The following LRRTM4 variants were observed in gnomAD, a reference collection of about 807,000 sequenced individuals.
The protein encoded by LRRTM4 is leucine-rich repeat transmembrane neuronal protein 4.
LRRTM4 carries 25 observed loss-of-function variants against 47.6 expected under a neutral mutation model. The ratio of observed to expected loss-of-function variants is 0.53; its 90% CI spans 0.38 to 0.73. The LOEUF is 0.73. LRRTM4 is among the 30% of genes least tolerant of loss of function. The pLI is 0.00. For synonymous variants in LRRTM4, 311 were observed against 269.5 expected (o/e 1.15, Z -1.51); for missense variants, 638 against 713.4 (o/e 0.89, Z 1.20).
At chr2:76,834,090 G>T in intron 3 of LRRTM4, among the ~76,000 whole-genome samples, 1 of 151,260 alleles carries the variant, frequency 6.6e-6, no homozygotes, top group African/African-American at 2.4e-5. Context: ...GCCCTGGCTG[G>T]AGTGCAGTGG....
chr2:76,884,625 G>C (rs955477824), intron 3 of LRRTM4, among the ~76,000 whole-genome samples: 7 of 152,088 alleles, frequency 4.6e-5, no homozygotes, highest in Non-Finnish European at 7.4e-5. Flanking sequence ...ATAACCTTAT[G>C]TGGTTTTGTT....
At chr2:76,895,448 T>C (rs1243150137) in intron 3 of LRRTM4, among the ~76,000 whole-genome samples, 1 of 152,110 alleles carries the variant, frequency 6.6e-6, no homozygotes, top group East Asian at 1.9e-4. Context: ...GGTAGGCTTA[T>C]ATGATACATC....
At chr2:77,162,066 C>G (rs1339983434) in intron 3 of LRRTM4, among the ~76,000 whole-genome samples, 1 of 152,120 alleles carries the variant, frequency 6.6e-6, no homozygotes, top group Non-Finnish European at 1.5e-5. Context: ...AATTCCCTTT[C>G]CTAGACAAGG....
chr2:77,499,282 T>C (rs893937918), intron 3 of LRRTM4, among the ~76,000 whole-genome samples: 1 of 151,926 alleles, frequency 6.6e-6, no homozygotes, highest in South Asian at 2.1e-4. Flanking sequence ...AAACCTTTAA[T>C]AGATGCTTTC....
intron 3 of LRRTM4, among the ~76,000 whole-genome samples, chr2:76,891,595 A>G (rs1235749549): frequency 2.6e-5 from 4 of 151,804 alleles, no homozygotes; most frequent in African/African-American, 9.7e-5. Flanking sequence ...TTAGCATTAT[A>G]AAAGTAACAT....
intron 3 of LRRTM4, among the ~76,000 whole-genome samples, chr2:77,109,188 G>A (rs1370616897): frequency 3.9e-5 from 6 of 152,042 alleles, no homozygotes; most frequent in Non-Finnish European, 5.9e-5. Flanking sequence ...ATAGCCAAAG[G>A]ACTTCAAAAT....
intron 3 of LRRTM4, among the ~76,000 whole-genome samples, chr2:77,502,639 A>G (rs1291782521): frequency 2.0e-5 from 3 of 151,628 alleles, no homozygotes; most frequent in Non-Finnish European, 4.4e-5. Context: ...CTGGAATTAT[A>G]AAGTCCAACA....
intron 3 of LRRTM4, among the ~76,000 whole-genome samples, chr2:76,931,730 TC>T (rs2103835599): frequency 1.3e-5 from 2 of 152,214 alleles, no homozygotes; most frequent in South Asian, 4.1e-4. Flanking sequence ...CATTTGGCCC[TC>T]AGTTCCAACG....
intron 3 of LRRTM4, among the ~76,000 whole-genome samples, chr2:76,839,223 A>T (rs1671604111): frequency 6.6e-6 from 1 of 152,142 alleles, no homozygotes; most frequent in Non-Finnish European, 1.5e-5. Flanking sequence ...GGAGTCAATG[A>T]GGTAGAGAGA....
chr2:77,427,930 C>T (rs979222885), intron 3 of LRRTM4, among the ~76,000 whole-genome samples: 3 of 152,178 alleles, frequency 2.0e-5, no homozygotes, highest in African/African-American at 7.2e-5. Flanking sequence ...ATCCAAATCT[C>T]ATCTTGAATT....
At chr2:76,778,852 T>C (rs1307155649) in intron 3 of LRRTM4, among the ~76,000 whole-genome samples, 1 of 151,642 alleles carries the variant, frequency 6.6e-6, no homozygotes, top group Admixed American at 6.6e-5. Flanking sequence ...ATTGTGATGT[T>C]AGGGTGTCAA....
chr2:77,023,277 T>A (rs767496177), intron 3 of LRRTM4, among the ~76,000 whole-genome samples: 7 of 152,250 alleles, frequency 4.6e-5, no homozygotes, highest in Admixed American at 2.6e-4. Context: ...CATGAAACCA[T>A]TTTTTCCTCC....
rs549394053 is a variant in LRRTM4, at chr2:76,957,734, A to G, written c.1552-208818T>C. Among the ~76,000 whole-genome samples the G allele has an allele frequency of 5.9e-5, 9 of 151,798 alleles. No homozygotes were observed. The South Asian group carries it at 1.4e-3, about 24-fold the overall frequency. On this transcript the variant is annotated intron_variant, in intron 3 of 3. Coordinates refer to ENST00000409884, the MANE Select transcript of LRRTM4 (RefSeq NM_001134745.3). ...TTGCTATAAATTTGATGCACTTTCT[A>G]TTAACAGGGTGTAAAAGCTTGAATA...
intron 3 of LRRTM4, among the ~76,000 whole-genome samples, chr2:77,239,911 T>A (rs905047639): frequency 5.3e-5 from 8 of 151,888 alleles, no homozygotes. Flanking sequence ...TTATTCACCT[T>A]ATTAAATCAT....
intron 3 of LRRTM4, among the ~76,000 whole-genome samples, chr2:76,799,212 G>A (rs1342489435): frequency 4.0e-5 from 5 of 125,738 alleles, no homozygotes; most frequent in African/African-American, 1.4e-4. Flanking sequence ...ATAAAATACT[G>A]GCAAAACGAA....
At chr2:76,979,846 G>T (rs1428023421) in intron 3 of LRRTM4, among the ~76,000 whole-genome samples, 1 of 151,818 alleles carries the variant, frequency 6.6e-6, no homozygotes, top group Non-Finnish European at 1.5e-5. Flanking sequence ...ATTCCTATCT[G>T]GTTTCCTGCC....
intron 3 of LRRTM4, among the ~76,000 whole-genome samples, chr2:77,327,058 CT>C (rs1670802429): frequency 6.6e-6 from 1 of 152,106 alleles, no homozygotes; most frequent in Non-Finnish European, 1.5e-5. Flanking sequence ...GTTTTCTCTT[CT>C]ATGATGGATA....
rs1679365347 is a variant in LRRTM4, at chr2:77,519,101, G to A, written c.768C>T (p.His256=). ...QGLTWTWSSL[H]NLDLSGNDIQ... ...TGTCATTCCCTGATAAATCCAAGTTGTGTAAGGAACTCCAAGTCCATGTCA... is the reference window on the plus strand; with the variant it reads ...TGTCATTCCCTGATAAATCCAAGTTATGTAAGGAACTCCAAGTCCATGTCA... Residue 256 remains histidine, a synonymous_variant, in exon 3 of 4, where the codon CAC becomes CAT. Coordinates refer to ENST00000409884, the MANE Select transcript of LRRTM4 (RefSeq NM_001134745.3). The surrounding 1 kb of genome is among the most constrained non-coding windows in gnomAD (Gnocchi z 4.6). 6.2e-7 allele frequency: 1 copy of A among 1,612,962 alleles called. No homozygotes were observed.
intron 3 of LRRTM4, among the ~76,000 whole-genome samples, chr2:77,387,751 T>C (rs562499187): frequency 2.6e-5 from 4 of 152,092 alleles, no homozygotes; most frequent in Non-Finnish European, 4.4e-5. Context: ...AAGGCAATCA[T>C]TCTACCTGAT....
Sources: gnomAD v4.1 joint callset for allele counts (sites outside exome capture counted in the v4.1 genomes callset) on GRCh38, gnomAD v4.1.1 for gene constraint, Gnocchi (gnomAD v3.1) non-coding constraint, MANE v1.5 for transcripts, NCBI Gene and HGNC (gene_info 2026-07-23, HGNC 2026-07-21) for gene names.